ASCC3: variants seen among roughly 807,000 people sequenced by gnomAD.
The protein encoded by ASCC3 is ASC-1 complex subunit P200.
A neutral mutation model predicts 256.3 loss-of-function variants in ASCC3; 158 were observed. That is an observed-to-expected ratio of 0.62 (90% CI 0.54 to 0.70). The LOEUF is 0.70. ASCC3 is among the 30% of genes least tolerant of loss of function. ASCC3 has a pLI of 0.00. For synonymous variants in ASCC3, 948 were observed against 883.4 expected, an observed-to-expected ratio of 1.07 and a Z score of -1.30; for missense variants, 2,259 against 2,626.0, an observed-to-expected ratio of 0.86 and a Z score of 3.05.
intron 11 of ASCC3, 141 bp downstream of exon 11, chr6:100,725,398 C>T: frequency 9.9e-7 from 1 of 1,013,750 alleles, no homozygotes; most frequent in Non-Finnish European, 1.4e-6. Flanking sequence ...ACAACAGGTA[C>T]ATTCCCCCTT....
intron 1 of ASCC3, among the ~76,000 whole-genome samples, chr6:100,877,266 T>A (rs910410613): frequency 6.6e-6 from 1 of 152,152 alleles, no homozygotes; most frequent in South Asian, 2.1e-4. Context: ...CAAAGTGATA[T>A]ACTGCAGATT....
At chr6:100,663,854 G>A (rs779315296) in intron 14 of ASCC3, among the ~76,000 whole-genome samples, 12 of 152,034 alleles carry the variant, frequency 7.9e-5, no homozygotes, top group South Asian at 2.1e-4. Flanking sequence ...AAACAAAAAC[G>A]CACTTAATTG....
intron 8 of ASCC3, among the ~76,000 whole-genome samples, chr6:100,798,069 A>G (rs1480147983): frequency 6.6e-6 from 1 of 152,030 alleles, no homozygotes; most frequent in Non-Finnish European, 1.5e-5. Flanking sequence ...GCTTGCCTGT[A>G]TTATTTGTTA....
chr6:100,609,906 T>C (rs888677511), intron 30 of ASCC3, among the ~76,000 whole-genome samples: 1 of 151,988 alleles, frequency 6.6e-6, no homozygotes, highest in African/African-American at 2.4e-5. Context: ...CTAGATTCTG[T>C]CTCACAAAAA....
chr6:100,635,641 G>GTTAATGAT (rs2114876866), intron 25 of ASCC3, among the ~76,000 whole-genome samples: 1 of 152,182 alleles, frequency 6.6e-6, no homozygotes, highest in South Asian at 2.1e-4. Flanking sequence ...TAATTAGCTT[G>GTTAATGAT]ACTGTAGTAA....
chr6:100,532,374 G>GTT (rs1774933946), intron 37 of ASCC3, among the ~76,000 whole-genome samples: 1 of 84,578 alleles, frequency 1.2e-5, no homozygotes, highest in African/African-American at 4.9e-5. Context: ...GTGTGTGTAT[G>GTT]TGTGTATATA....
In ASCC3 at chr6:100,647,323, C is replaced by G. The variant is rs772912182; in HGVS notation, c.3381G>C (p.Leu1127Phe). The change falls in exon 21 of 42, where the codon TTG (leucine) becomes TTC (phenylalanine). Residue 1127 changes from leucine (L) to phenylalanine (F), a missense_variant. Transcript: ENST00000369162. ...DKRLWGWASPLRQFSILPPHI... is the reference protein window; with the variant it reads ...DKRLWGWASPFRQFSILPPHI... The stretch of plus-strand genomic sequence containing the variant: ...GTGGTGGTAGGATTGAAAATTGTCT[C>G]AAAGGGCTAGCCCAACCCCAAAGCC... The G allele has an allele frequency of 6.2e-7, 1 of 1,613,948 alleles. No individual in the cohort carries two copies. Among genetic ancestry groups the G allele is most frequent in the Non-Finnish European group, 8.5e-7 (1 of 1,179,952 alleles).
At chr6:100,647,587 C>T in intron 20 of ASCC3, 136 bp from the exon 21 acceptor site, 1 of 737,410 alleles carries the variant, frequency 1.4e-6, no homozygotes, top group Non-Finnish European at 2.3e-6. Flanking sequence ...AATATCTTTT[C>T]TCATATAATC....
chr6:100,617,331 T>C (rs1351358701), intron 30 of ASCC3, among the ~76,000 whole-genome samples: 5 of 151,926 alleles, frequency 3.3e-5, no homozygotes, highest in South Asian at 2.1e-4. Context: ...TTTCAATCCA[T>C]AGACTCACTC....
At chr6:100,872,985 AC>A (rs775982728) in intron 1 of ASCC3, among the ~76,000 whole-genome samples, 14 of 150,558 alleles carry the variant, frequency 9.3e-5, no homozygotes, top group Admixed American at 2.0e-4. Flanking sequence ...GTTCTTTAAC[AC>A]CCCCCCCAAA....
At chr6:100,727,470 T>C (rs1021539581) in intron 10 of ASCC3, among the ~76,000 whole-genome samples, 6 of 151,866 alleles carry the variant, frequency 4.0e-5, no homozygotes, top group Admixed American at 1.3e-4. Flanking sequence ...TGGTTCTTTT[T>C]TCCCCCACAA....
intron 10 of ASCC3, among the ~76,000 whole-genome samples, chr6:100,753,981 A>C (rs1401650685): frequency 6.6e-6 from 1 of 152,166 alleles, no homozygotes; most frequent in South Asian, 2.1e-4. Context: ...AGACCTAAAG[A>C]GTTCATCATC....
intron 2 of ASCC3, 83 bp downstream of exon 2, chr6:100,867,825 G>A: frequency 8.3e-7 from 1 of 1,204,254 alleles, no homozygotes. Flanking sequence ...TAACCACATA[G>A]AATGGAGAAA....
chr6:100,803,121 A>AT (rs1009014006), intron 5 of ASCC3, among the ~76,000 whole-genome samples: 7 of 152,022 alleles, frequency 4.6e-5, no homozygotes, highest in East Asian at 3.9e-4. Context: ...GTTTAAACTC[A>AT]TTTTTTTTCC....
intron 36 of ASCC3, among the ~76,000 whole-genome samples, chr6:100,576,982 A>T (rs1344436926): frequency 6.6e-6 from 1 of 151,808 alleles, no homozygotes; most frequent in South Asian, 2.1e-4. Flanking sequence ...ATGGAATAAT[A>T]ATCAACAGGA....
At chr6:100,784,939 C>T (rs961184366) in intron 8 of ASCC3, among the ~76,000 whole-genome samples, 3 of 151,934 alleles carry the variant, frequency 2.0e-5, no homozygotes, top group African/African-American at 7.3e-5. Flanking sequence ...CTGACTAACC[C>T]TCTTTTTCAT....
chr6:100,675,130 G>GTTT (rs562151800), intron 14 of ASCC3, among the ~76,000 whole-genome samples: 2 of 143,694 alleles, frequency 1.4e-5, no homozygotes, highest in African/African-American at 2.5e-5. Context: ...GCAAACAGTT[G>GTTT]TTTTTTTTTT....
chr6:100,767,378 G>C (rs1439482282), intron 8 of ASCC3, 33 bp from the exon 9 acceptor site: 2 of 1,585,426 alleles, frequency 1.3e-6, no homozygotes, highest in African/African-American at 2.7e-5. Context: ...ATTATAAATA[G>C]TAACAATGTG....
At chr6:100,697,087 C>A (rs1032979311) in intron 13 of ASCC3, among the ~76,000 whole-genome samples, 3 of 152,088 alleles carry the variant, frequency 2.0e-5, no homozygotes, top group Non-Finnish European at 4.4e-5. Flanking sequence ...ACTAAGTCTA[C>A]TTTTATGTAG....
Sources: allele counts gnomAD v4.1 joint callset (sites outside exome capture counted in the v4.1 genomes callset), GRCh38; gene constraint gnomAD v4.1.1; transcripts MANE v1.5; gene names NCBI Gene and HGNC (gene_info 2026-07-23, HGNC 2026-07-21).